The following CDK7 variants were observed in gnomAD, a reference collection of about 807,000 sequenced individuals.
CDK7 encodes the protein cyclin dependent kinase 7, also known as cyclin-dependent kinase 7.
CDK7 carries 25 observed loss-of-function variants against 49.1 expected under a neutral mutation model. That is an observed-to-expected ratio of 0.51 (90% CI 0.37 to 0.71). The LOEUF (loss-of-function observed/expected upper bound fraction) is 0.71. Ranked by LOEUF, CDK7 falls within the 30% of genes least tolerant of loss-of-function variation. The pLI, the probability that CDK7 is intolerant of heterozygous loss-of-function variation, is 0.00. For synonymous variants in CDK7, 107 were observed against 140.0 expected (o/e 0.76, Z 1.67); for missense variants, 316 against 411.7 (o/e 0.77, Z 2.01).
intron 7 of CDK7, among the ~76,000 whole-genome samples, chr5:69,261,222 T>C (rs1424596610): frequency 6.6e-6 from 1 of 152,188 alleles, no homozygotes; most frequent in Non-Finnish European, 1.5e-5. Context: ...TGAGTAATTG[T>C]TTATGTAATT....
At chr5:69,261,308 T>A (rs923682383) in intron 7 of CDK7, among the ~76,000 whole-genome samples, 1 of 152,186 alleles carries the variant, frequency 6.6e-6, no homozygotes, top group African/African-American at 2.4e-5. Flanking sequence ...TTAACAGAGC[T>A]TTCTCATCTA....
intron 7 of CDK7, among the ~76,000 whole-genome samples, chr5:69,261,792 G>T (rs932894663): frequency 1.3e-5 from 2 of 152,116 alleles, no homozygotes; most frequent in Non-Finnish European, 2.9e-5. Flanking sequence ...GCCTCCCAAA[G>T]TGCTGGGATT....
At chr5:69,267,448 A>C (rs1751239679) in intron 8 of CDK7, among the ~76,000 whole-genome samples, 1 of 151,582 alleles carries the variant, frequency 6.6e-6, no homozygotes. Flanking sequence ...ACAGCCGTGC[A>C]CCATGACACC....
intron 10 of CDK7, among the ~76,000 whole-genome samples, chr5:69,273,391 AC>A: frequency 6.6e-6 from 1 of 152,302 alleles, no homozygotes; most frequent in South Asian, 2.1e-4. Context: ...TTGAGCTCTT[AC>A]AAATTCATTT....
intron 10 of CDK7, 112 bp downstream of exon 10, chr5:69,273,153 G>A: frequency 3.9e-6 from 3 of 762,550 alleles, no homozygotes; most frequent in Non-Finnish European, 5.9e-6. Context: ...GGAAAGATGT[G>A]TTTTTGTTTT....
chr5:69,235,115 C>T, intron 1 of CDK7, 74 bp downstream of exon 1: 1 of 1,403,244 alleles, frequency 7.1e-7, no homozygotes, highest in Admixed American at 2.0e-5. Flanking sequence ...GCGGGTTTTC[C>T]CGTGGAGGCC....
At chr5:69,244,650 A>G (rs74474043) in intron 2 of CDK7, among the ~76,000 whole-genome samples, 5,657 of 151,678 alleles carry the variant, frequency 0.037, 406 homozygotes, top group African/African-American at 0.13. Flanking sequence ...AAAAAAAAAA[A>G]AAAAAAAGAT....
At chr5:69,237,591 T>G (rs1171751093) in intron 2 of CDK7, among the ~76,000 whole-genome samples, 1 of 152,226 alleles carries the variant, frequency 6.6e-6, no homozygotes, top group Non-Finnish European at 1.5e-5. Context: ...GTTTATTGTC[T>G]GTTTAATTCC....
intron 8 of CDK7, among the ~76,000 whole-genome samples, chr5:69,267,133 C>G (rs1270716401): frequency 6.6e-6 from 1 of 152,012 alleles, no homozygotes; most frequent in African/African-American, 2.4e-5. Flanking sequence ...AAAGCAAAGA[C>G]TAGTAAAATG....
chr5:69,249,435 G>T (rs547586725), intron 2 of CDK7, among the ~76,000 whole-genome samples: 1 of 152,040 alleles, frequency 6.6e-6, no homozygotes, highest in African/African-American at 2.4e-5. Context: ...CAGCTTCTTG[G>T]GGGGGTCTGA....
Position 69,273,049 on chromosome 5 carries a change from GGT to G in CDK7, c.864+11_864+12del. 6.7e-7 allele frequency: 1 copy of G among 1,494,146 alleles called. No individual in the cohort carries two copies. Among genetic ancestry groups the G allele is most frequent in the Non-Finnish European group, 9.0e-7 (1 of 1,109,510 alleles). The allele number at this position is 1,494,146 out of a possible 1,614,324, so 92.6% of individuals were successfully genotyped here. ...CGAATTACGGCCACACAGGTATTTT[GGT>G]GTATCTTTTTTATACTAGGAAATAT... On this transcript the variant is annotated intron_variant, in intron 10 of 11. Transcript: ENST00000256443.
At chr5:69,275,990 T>C (rs1488025728) in intron 10 of CDK7, among the ~76,000 whole-genome samples, 1 of 152,200 alleles carries the variant, frequency 6.6e-6, no homozygotes, top group Non-Finnish European at 1.5e-5. Flanking sequence ...ATTCAGCCTG[T>C]ATAGGCTATT....
intron 2 of CDK7, among the ~76,000 whole-genome samples, chr5:69,236,709 T>G (rs1487154463): frequency 6.6e-6 from 1 of 151,872 alleles, no homozygotes; most frequent in South Asian, 2.1e-4. Flanking sequence ...TGGAGTGCAA[T>G]TGTGCGATTT....
intron 8 of CDK7, among the ~76,000 whole-genome samples, chr5:69,265,079 C>T (rs1751058379): frequency 6.6e-6 from 1 of 151,758 alleles, no homozygotes; most frequent in Non-Finnish European, 1.5e-5. Context: ...CTGGCTAACA[C>T]AGTGAAACCC....
At position 69,241,307 on chromosome 5, in the gene CDK7, G is replaced by GTTTTTTTTT. The variant is rs1749355577; in HGVS notation, c.126+5860_126+5861insTTTTTTTTT. Among the ~76,000 whole-genome samples, 4 of 112,944 alleles carry GTTTTTTTTT rather than the reference G, an allele frequency of 3.5e-5. 1 individual carries two copies. Among genetic ancestry groups the GTTTTTTTTT allele is most frequent in the African/African-American group, 6.6e-5 (2 of 30,168 alleles). The allele number at this position is 112,944 out of a possible 152,430, so 74.1% of individuals were successfully genotyped here. A position where few individuals can be genotyped will look rare whatever the true frequency, so the allele number is the denominator to read the frequency against. On this transcript the variant is annotated intron_variant, in intron 2 of 11. Coordinates refer to ENST00000256443, the MANE Select transcript of CDK7 (RefSeq NM_001799.4). ...TAGGTGAGATGCTCTCTCATTGTAG[G>GTTTTTTTTT]TTTTTTCTTTTTTTTTTTTTTTTTT...
intron 5 of CDK7, among the ~76,000 whole-genome samples, chr5:69,256,215 C>T (rs745583885): frequency 2.6e-5 from 4 of 151,972 alleles, no homozygotes; most frequent in Admixed American, 2.0e-4. Flanking sequence ...ATTGCTTAAG[C>T]CCAGGAGTTC....
intron 2 of CDK7, among the ~76,000 whole-genome samples, chr5:69,249,928 C>A (rs1229688612): frequency 1.3e-5 from 2 of 152,184 alleles, no homozygotes; most frequent in Non-Finnish European, 2.9e-5. Context: ...CTTTTTAATT[C>A]TTTCAAGTAT....
chr5:69,252,491 CTCCT>C (rs1215835689), intron 3 of CDK7, 40 bp downstream of exon 3: 18 of 355,062 alleles, frequency 5.1e-5, no homozygotes, highest in Non-Finnish European at 7.5e-5. Context: ...GAAAAGTTTT[CTCCT>C]TTTTTTTTTT....
At chr5:69,254,200 T>A (rs997685369) in intron 3 of CDK7, among the ~76,000 whole-genome samples, 13 of 152,230 alleles carry the variant, frequency 8.5e-5, no homozygotes, top group African/African-American at 3.1e-4. Flanking sequence ...ATGTTCACTA[T>A]TTTCTGAGAT....
Sources: gnomAD v4.1 joint callset for allele counts (sites outside exome capture counted in the v4.1 genomes callset) on GRCh38, gnomAD v4.1.1 for gene constraint, MANE v1.5 for transcripts, NCBI Gene and HGNC (gene_info 2026-07-23, HGNC 2026-07-21) for gene names.